The following KAT6B variants were observed in gnomAD, a reference collection of about 807,000 sequenced individuals.
The protein encoded by KAT6B is lysine acetyltransferase 6B.
In KAT6B, 10 loss-of-function variants were observed where a neutral mutation model predicts 187.5. The observed-to-expected ratio is 0.05, with a 90% confidence interval of 0.03 to 0.09. KAT6B has a LOEUF of 0.09. Ranked by LOEUF, KAT6B falls within the 10% of genes least tolerant of loss-of-function variation. The probability of loss-of-function intolerance (pLI) is 1.00; values close to 1 mark genes in which losing one functional copy is unlikely to be tolerated. For synonymous variants in KAT6B, 861 were observed against 926.8 expected, an observed-to-expected ratio of 0.93 and a Z score of 1.29; for missense variants, 1,952 against 2,558.9, an observed-to-expected ratio of 0.76 and a Z score of 5.12.
intron 1 of KAT6B, among the ~76,000 whole-genome samples, chr10:74,831,775 T>C (rs1840882560): frequency 6.6e-6 from 1 of 152,228 alleles, no homozygotes; most frequent in Non-Finnish European, 1.5e-5. Context: ...CAGTGATTCC[T>C]CTTAACGGTT....
chr10:74,957,849 C>T (rs1840798182), intron 3 of KAT6B, among the ~76,000 whole-genome samples: 1 of 152,166 alleles, frequency 6.6e-6, no homozygotes, highest in African/African-American at 2.4e-5. Flanking sequence ...ACTATGGATC[C>T]ATAATTATGC....
chr10:74,826,854 G>GA (rs1840277281), intron 1 of KAT6B, 69 bp downstream of exon 1: 1 of 151,466 alleles, frequency 6.6e-6, no homozygotes, highest in South Asian at 2.1e-4. Context: ...GACGGGGGGG[G>GA]ATTCAGGGGC....
intron 13 of KAT6B, among the ~76,000 whole-genome samples, chr10:74,997,412 C>G (rs1036231071): frequency 6.6e-6 from 1 of 152,152 alleles, no homozygotes; most frequent in Admixed American, 6.5e-5. Context: ...TTGATTGATT[C>G]ATTCAGTCCT....
intron 3 of KAT6B, among the ~76,000 whole-genome samples, chr10:74,908,922 A>C (rs1365687001): frequency 1.3e-5 from 2 of 152,116 alleles, no homozygotes; most frequent in Non-Finnish European, 2.9e-5. Context: ...TCAACTGTGA[A>C]TTGTTCCGCA....
At chr10:74,958,722 A>G (rs1840862433) in intron 3 of KAT6B, among the ~76,000 whole-genome samples, 1 of 152,078 alleles carries the variant, frequency 6.6e-6, no homozygotes, top group Non-Finnish European at 1.5e-5. Flanking sequence ...GACTAGACAA[A>G]TGTTTTGTTG....
intron 3 of KAT6B, among the ~76,000 whole-genome samples, chr10:74,943,130 G>A (rs1159026433): frequency 6.6e-6 from 1 of 152,162 alleles, no homozygotes; most frequent in African/African-American, 2.4e-5. Context: ...AGAGGATTTA[G>A]CAGGGTCCTA....
At chr10:74,880,421 A>G (rs1844761661) in intron 3 of KAT6B, among the ~76,000 whole-genome samples, 1 of 152,222 alleles carries the variant, frequency 6.6e-6, no homozygotes, top group Admixed American at 6.5e-5. Context: ...CATTCTTTAT[A>G]ACTGCCAAAT....
At chr10:74,959,001 G>A (rs1194297549) in intron 3 of KAT6B, among the ~76,000 whole-genome samples, 3 of 151,590 alleles carry the variant, frequency 2.0e-5, no homozygotes, top group African/African-American at 4.9e-5. Context: ...TCACACCATT[G>A]CACTCCAGGC....
At position 74,975,410 on chromosome 10, in the gene KAT6B, G is replaced by A. The variant is rs1842087872; in HGVS notation, c.1073G>A (p.Ser358Asn). The A allele has an allele frequency of 6.2e-7, 1 of 1,614,050 alleles. No homozygotes were observed. The highest frequency in any genetic ancestry group is 1.7e-5 in the Admixed American group (1 of 60,022). ...AAATTTCTGCCTAGGTCTGTAACCA[G>A]TGATGAAGGATCCATGAATGCATTC... ...KLKQRLLSVT[S>N]DEGSMNAFTG... is the part of the protein sequence containing the mutation. The change falls in exon 8 of 18, where the codon AGT (serine) becomes AAT (asparagine). Residue 358 changes from serine to asparagine, a missense_variant. This residue lies in a region of KAT6B where 417 missense variants were observed against 508.9 expected (regional missense o/e 0.82). Coordinates refer to ENST00000287239, the MANE Select transcript of KAT6B (RefSeq NM_012330.4).
intron 3 of KAT6B, among the ~76,000 whole-genome samples, chr10:74,938,354 TC>T (rs1849410794): frequency 6.6e-6 from 1 of 151,760 alleles, no homozygotes; most frequent in South Asian, 2.1e-4. Flanking sequence ...CCCCCAGCTA[TC>T]CCCCAAATCA....
chr10:74,837,029 T>A (rs1342816492), intron 1 of KAT6B, among the ~76,000 whole-genome samples: 1 of 152,248 alleles, frequency 6.6e-6, no homozygotes, highest in Non-Finnish European at 1.5e-5. Flanking sequence ...ACTTGAGTGT[T>A]ATGACATTGA....
chr10:74,843,217 G>C lies in KAT6B; in HGVS notation c.360G>C (p.Glu120Asp), dbSNP rs1841865758. ...GGAGAGCAATTGAAGGACTTGAGGA[G>C]CCGAATGGCTCCTCCCTGAAGAACA... ...LLRRAIEGLE[E>D]PNGSSLKNIE... Residue 120 changes from glutamate to aspartate, a missense_variant, in exon 3 of 18, where the codon GAG becomes GAC. By Grantham distance (45) the Glu-to-Asp change is conservative (BLOSUM62 2). This residue lies in a region of KAT6B where 218 missense variants were observed against 282.6 expected (regional missense o/e 0.77). Coordinates refer to ENST00000287239, the MANE Select transcript of KAT6B (RefSeq NM_012330.4). The C allele has an allele frequency of 1.1e-5, 18 of 1,614,244 alleles. No homozygotes were observed. The highest frequency in any genetic ancestry group is 1.4e-5 in the Non-Finnish European group (17 of 1,180,054).
At chr10:75,006,362 A>G (rs1844201947) in intron 13 of KAT6B, among the ~76,000 whole-genome samples, 1 of 152,250 alleles carries the variant, frequency 6.6e-6, no homozygotes, top group African/African-American at 2.4e-5. Context: ...CAAAAATTGC[A>G]ATTAAAACAT....
rs777042592 is a variant in KAT6B at position 75,032,241 on chromosome 10, C to CA, written c.*1203dup. ...TCACTTCAAAAAAACAAAAAACAAACAAAAAAAAGCTGTACATTTTAACAT... is the reference window on the plus strand; with the variant it reads ...TCACTTCAAAAAAACAAAAAACAAACAAAAAAAAAGCTGTACATTTTAACAT... On this transcript the variant is annotated 3_prime_UTR_variant, in exon 18 of 18. Transcript: ENST00000287239. 1.2e-3 allele frequency: 234 copies of CA among 191,318 alleles called. 1 individual carries two copies. Among genetic ancestry groups the CA allele is most frequent in the African/African-American group, 4.9e-3 (208 of 42,856 alleles). 11.9% of individuals were successfully genotyped at this position (191,318 alleles called of 1,614,324 possible). A position where few individuals can be genotyped will look rare whatever the true frequency, so the allele number is the denominator to read the frequency against.
At chr10:74,856,374 A>G (rs1842828435) in intron 3 of KAT6B, among the ~76,000 whole-genome samples, 1 of 152,136 alleles carries the variant, frequency 6.6e-6, no homozygotes, top group Admixed American at 6.5e-5. Flanking sequence ...GGTGTGAGCC[A>G]CTGCGCCTGG....
chr10:74,939,050 A>AACACACACACACACAC (rs112617639), intron 3 of KAT6B, among the ~76,000 whole-genome samples: 43 of 145,778 alleles, frequency 2.9e-4, no homozygotes, highest in African/African-American at 8.5e-4. Context: ...TTATTTTCTT[A>AACACACACACACACAC]ACACACACAC....
At chr10:74,975,302 G>A (rs1377927958) in intron 7 of KAT6B, 97 bp from the exon 8 acceptor site, 1 of 954,178 alleles carries the variant, frequency 1.0e-6, no homozygotes, top group East Asian at 2.6e-5. Flanking sequence ...TTAAGTTTAA[G>A]CCCATTGAAT....
chr10:74,976,364 C>T (rs774733314), intron 8 of KAT6B, 34 bp downstream of exon 8: 5 of 1,559,296 alleles, frequency 3.2e-6, no homozygotes, highest in South Asian at 2.2e-5. Flanking sequence ...ACCAAACCTG[C>T]GTCCCGTCCC....
chr10:74,908,549 C>CAAAAA (rs10715826), intron 3 of KAT6B, among the ~76,000 whole-genome samples: 3 of 109,438 alleles, frequency 2.7e-5, no homozygotes, highest in African/African-American at 6.3e-5. Context: ...GACCCCGTCT[C>CAAAAA]AAAAAAAAAA....
Sources: allele counts gnomAD v4.1 joint callset (sites outside exome capture counted in the v4.1 genomes callset), GRCh38; gene constraint gnomAD v4.1.1; regional missense constraint gnomAD v4.1.1; transcripts MANE v1.5; gene names NCBI Gene and HGNC (gene_info 2026-07-23, HGNC 2026-07-21).